The following ITPRID1 variants were observed in gnomAD, a reference collection of about 807,000 sequenced individuals.
The protein encoded by ITPRID1 is protein ITPRID1.
ITPRID1 carries 96 observed loss-of-function variants against 95.4 expected under a neutral mutation model. That is an observed-to-expected ratio of 1.01 (90% CI 0.85 to 1.19). ITPRID1 has a LOEUF of 1.19. Among genes scored for constraint, ITPRID1 ranks in the 50% most tolerant of loss-of-function variants. ITPRID1 has a pLI of 0.00. For synonymous variants in ITPRID1, 510 were observed against 453.6 expected (o/e 1.12, Z -1.58); for missense variants, 1,339 against 1,252.9 (o/e 1.07, Z -1.04).
chr7:31,612,998 A>G (rs1786948131), intron 10 of ITPRID1, among the ~76,000 whole-genome samples: 1 of 152,164 alleles, frequency 6.6e-6, no homozygotes, highest in Admixed American at 6.5e-5. Context: ...GGATTTCCTG[A>G]CTTAGGAATC....
chr7:31,587,519 G>A (rs1262327041), intron 10 of ITPRID1, among the ~76,000 whole-genome samples: 1 of 146,010 alleles, frequency 6.8e-6, no homozygotes, highest in Non-Finnish European at 1.5e-5. Context: ...AACATTCCAT[G>A]CTCATGGGTA....
At chr7:31,529,641 A>C (rs1181811143) in intron 1 of ITPRID1, 1 of 770,984 alleles carries the variant, frequency 1.3e-6, no homozygotes, top group Admixed American at 2.6e-5. Flanking sequence ...TTCTATGACC[A>C]ACTTTTAAAT....
chr7:31,565,764 G>A (rs1487431359), intron 5 of ITPRID1, among the ~76,000 whole-genome samples: 1 of 72,880 alleles, frequency 1.4e-5, no homozygotes. Flanking sequence ...AAAAAGTACA[G>A]GAGTCTGATA....
chr7:31,598,864 C>A (rs924665732), intron 10 of ITPRID1, among the ~76,000 whole-genome samples: 1 of 152,076 alleles, frequency 6.6e-6, no homozygotes, highest in Non-Finnish European at 1.5e-5. Context: ...AATGATAAGA[C>A]GCTATTTTAG....
chr7:31,628,416 T>G (rs886888908), intron 10 of ITPRID1, among the ~76,000 whole-genome samples: 1 of 151,876 alleles, frequency 6.6e-6, no homozygotes, highest in Non-Finnish European at 1.5e-5. Flanking sequence ...TCCCCCAGAA[T>G]GCAGCTAGGA....
intron 10 of ITPRID1, among the ~76,000 whole-genome samples, chr7:31,594,398 G>A (rs1330743330): frequency 6.6e-6 from 1 of 152,208 alleles, no homozygotes; most frequent in Non-Finnish European, 1.5e-5. Context: ...CCAGAGAAAT[G>A]TATAAGGAAC....
intron 1 of ITPRID1, among the ~76,000 whole-genome samples, chr7:31,519,442 GAAGA>G (rs1213629392): frequency 6.6e-6 from 1 of 151,634 alleles, no homozygotes; most frequent in Non-Finnish European, 1.5e-5. Flanking sequence ...CATATAAAAT[GAAGA>G]AAGTAAAAAC....
chr7:31,569,621 A>T, intron 5 of ITPRID1, 137 bp from the exon 6 acceptor site: 1 of 666,080 alleles, frequency 1.5e-6, no homozygotes. Flanking sequence ...TATTCACTGC[A>T]GTGATGCCTT....
intron 12 of ITPRID1, among the ~76,000 whole-genome samples, chr7:31,649,270 T>G (rs1484505640): frequency 6.6e-6 from 1 of 152,180 alleles, no homozygotes; most frequent in East Asian, 1.9e-4. Flanking sequence ...GCTGCCAGGA[T>G]GTTGGCCATG....
Position 31,553,171 on chromosome 7 carries a change from C to T in ITPRID1, c.147C>T (p.Leu49=). 1 of 1,581,844 alleles carries T rather than the reference C, an allele frequency of 6.3e-7. No individual in the cohort carries two copies. Among genetic ancestry groups the T allele is most frequent in the Non-Finnish European group, 8.6e-7 (1 of 1,162,630 alleles). Residue 49 remains leucine (L), a synonymous_variant, in exon 3 of 15, where the codon CTC becomes CTT. Coordinates refer to ENST00000615280, the MANE Select transcript of ITPRID1 (RefSeq NM_001257967.3). The part of the protein sequence containing the change: ...PPDPEEESQS[L]TIPMLEDSKQ... ...ACCCTGAGGAGGAAAGCCAGAGTCT[C>T]ACCATCCCCATGCTGGGTGAGAAGG...
chr7:31,528,215 T>G (rs1308334972), intron 1 of ITPRID1, among the ~76,000 whole-genome samples: 1 of 152,196 alleles, frequency 6.6e-6, no homozygotes, highest in Admixed American at 6.5e-5. Context: ...TATGAATACA[T>G]GTATAACTAA....
At chr7:31,558,037 C>T (rs569157196) in intron 5 of ITPRID1, among the ~76,000 whole-genome samples, 1 of 152,232 alleles carries the variant, frequency 6.6e-6, no homozygotes, top group South Asian at 2.1e-4. Context: ...GTTTAATGCC[C>T]TTATCCTGGA....
rs1460170169 is a variant in ITPRID1 at position 31,656,350 on chromosome 7, G to A, written c.*3521G>A. The A allele has an allele frequency of 3.6e-6, 1 of 275,690 alleles. No individual in the cohort carries two copies. Among genetic ancestry groups the A allele is most frequent in the East Asian group, 1.8e-4 (1 of 5,690 alleles). 17.1% of individuals were successfully genotyped at this position (275,690 alleles called of 1,614,324 possible). A position where few individuals can be genotyped will look rare whatever the true frequency, so the allele number is the denominator to read the frequency against. On this transcript the variant is annotated 3_prime_UTR_variant, in exon 15 of 15. Transcript: ENST00000615280. The stretch of plus-strand genomic sequence containing the variant: ...CCCTAGTTTCTTCCTCTGTAAAATA[G>A]GGAGAAGAAAAACAACATAGAGTTG...
At chr7:31,519,614 CT>C (rs1783161869) in intron 1 of ITPRID1, among the ~76,000 whole-genome samples, 2 of 43,172 alleles carry the variant, frequency 4.6e-5, no homozygotes, top group Admixed American at 3.0e-4. Context: ...CTCTCTCTCT[CT>C]CTCTCTATAT....
At chr7:31,589,887 G>A (rs903437361) in intron 10 of ITPRID1, among the ~76,000 whole-genome samples, 5 of 152,096 alleles carry the variant, frequency 3.3e-5, no homozygotes, top group Non-Finnish European at 7.4e-5. Context: ...AGCATACAGG[G>A]TGGGGGAGTT....
At chr7:31,538,820 G>A (rs1467809562) in intron 1 of ITPRID1, among the ~76,000 whole-genome samples, 2 of 152,186 alleles carry the variant, frequency 1.3e-5, no homozygotes, top group African/African-American at 4.8e-5. Flanking sequence ...CCACTGCAAA[G>A]TTATTGTTTT....
At chr7:31,648,604 A>AC (rs929965852) in intron 12 of ITPRID1, among the ~76,000 whole-genome samples, 7 of 152,292 alleles carry the variant, frequency 4.6e-5, no homozygotes, top group African/African-American at 9.6e-5. Flanking sequence ...ACAAAAGGCT[A>AC]CCCCAAAATA....
At chr7:31,617,302 T>C (rs1233615722) in intron 10 of ITPRID1, among the ~76,000 whole-genome samples, 2 of 152,050 alleles carry the variant, frequency 1.3e-5, no homozygotes, top group African/African-American at 4.8e-5. Flanking sequence ...AATGGGTTTC[T>C]CAACAAGTAT....
In ITPRID1 at chr7:31,578,350, G is replaced by A; in HGVS notation, c.1086G>A (p.Gln362=). The A allele has an allele frequency of 6.2e-7, 1 of 1,613,888 alleles. No homozygotes were observed. The highest frequency in any genetic ancestry group is 1.1e-5 in the South Asian group (1 of 91,076). Reference sequence around the variant, plus strand: ...AGGGGTCAGTCAAGGGCAGAACTCAGAAGGAGAACTTATTTCAGACTAACA... The same window carrying A: ...AGGGGTCAGTCAAGGGCAGAACTCAAAAGGAGAACTTATTTCAGACTAACA... The part of the protein sequence containing the change: ...VSEGSVKGRT[Q]KENLFQTNKL... Residue 362 remains glutamine, a synonymous_variant, in exon 9 of 15, where the codon CAG becomes CAA. Transcript: ENST00000615280.
Sources: allele counts gnomAD v4.1 joint callset (sites outside exome capture counted in the v4.1 genomes callset), GRCh38; gene constraint gnomAD v4.1.1; transcripts MANE v1.5; gene names NCBI Gene and HGNC (gene_info 2026-07-23, HGNC 2026-07-21).